The following KCNN2 variants were observed in gnomAD, a reference collection of about 807,000 sequenced individuals.
KCNN2 encodes small conductance calcium-activated potassium channel protein 2.
Under a neutral mutation model 55.5 loss-of-function variants are expected in KCNN2, and 24 were observed. That is an observed-to-expected ratio of 0.43 (90% CI 0.31 to 0.61). KCNN2 has a LOEUF of 0.61. Ranked by LOEUF, KCNN2 falls within the 20% of genes least tolerant of loss-of-function variation. KCNN2 has a pLI of 0.08. For missense variants in KCNN2, 754 were observed against 853.6 expected (o/e 0.88, Z 1.45); for synonymous variants, 431 against 336.1 (o/e 1.28, Z -3.09).
chr5:114,451,049 A>G lies in KCNN2; in HGVS notation c.1638-12000A>G, dbSNP rs559462060. ...GTCTGTGTTCTTATAGGTTTTTAAC[A>G]TAGTAGTGAAAGTTATATAGGTGTA... On this transcript the variant is annotated intron_variant, in intron 3 of 7. Coordinates refer to ENST00000673685, the MANE Select transcript of KCNN2 (RefSeq NM_021614.4). Among the ~76,000 whole-genome samples the G allele has an allele frequency of 2.4e-3, 359 of 152,354 alleles. 1 individual carries two copies. The highest frequency in any genetic ancestry group is 7.6e-3 in the African/African-American group (315 of 41,590).
At chr5:114,324,095 C>T (rs1035361695) in intron 2 of KCNN2, among the ~76,000 whole-genome samples, 1 of 152,150 alleles carries the variant, frequency 6.6e-6, no homozygotes, top group Non-Finnish European at 1.5e-5. Context: ...AAAAGCAATA[C>T]ATCAAAATAA....
At chr5:114,479,559 G>A (rs1762130811) in intron 5 of KCNN2, among the ~76,000 whole-genome samples, 1 of 151,308 alleles carries the variant, frequency 6.6e-6, no homozygotes. Flanking sequence ...GAGTGGACCT[G>A]ATAGCAACAG....
At chr5:114,397,759 C>T (rs1017856813) in intron 2 of KCNN2, among the ~76,000 whole-genome samples, 6 of 152,006 alleles carry the variant, frequency 3.9e-5, no homozygotes, top group Admixed American at 2.0e-4. Flanking sequence ...ATTGTGGTTT[C>T]GATTTGCCTT....
At chr5:114,231,950 G>C (rs1754370820) in intron 2 of KCNN2, among the ~76,000 whole-genome samples, 2 of 150,164 alleles carry the variant, frequency 1.3e-5, no homozygotes. Flanking sequence ...CATCTGACTT[G>C]GCAAAAATCA....
At chr5:114,056,117 T>C (rs543457521) in exon 1 of KCNN2, 21 of 371,176 alleles carry the variant, frequency 5.7e-5, no homozygotes, top group African/African-American at 3.7e-4. Context: ...GCACAGTCAG[T>C]ACCGAAGCAG....
intron 1 of KCNN2, among the ~76,000 whole-genome samples, chr5:114,112,225 A>G (rs1751613994): frequency 6.6e-6 from 1 of 152,082 alleles, no homozygotes; most frequent in African/African-American, 2.4e-5. Context: ...AACTATCACA[A>G]CGGCAGAAAA....
chr5:114,177,903 A>G (rs1753167893), intron 1 of KCNN2, among the ~76,000 whole-genome samples: 1 of 152,204 alleles, frequency 6.6e-6, no homozygotes, highest in South Asian at 2.1e-4. Flanking sequence ...AAATAAAAAT[A>G]GATTTGAGGT....
At chr5:114,384,714 C>T (rs1758224356) in intron 2 of KCNN2, among the ~76,000 whole-genome samples, 1 of 152,040 alleles carries the variant, frequency 6.6e-6, no homozygotes, top group African/African-American at 2.4e-5. Context: ...AGATGCCAGC[C>T]CCTATTAATT....
chr5:114,207,012 G>T (rs760076385), intron 1 of KCNN2, among the ~76,000 whole-genome samples: 3 of 152,058 alleles, frequency 2.0e-5, no homozygotes, highest in African/African-American at 2.4e-5. Flanking sequence ...AGGACTTAGT[G>T]TATATTTAGA....
rs568141729 is a variant in KCNN2, at chr5:114,058,699, T to G, written c.-271+2199T>G. ...AGAGTGACGCAGTGGGTCAGCAGATTAGAGAGGTGGACTGGGACCAGATCC... is the reference window on the plus strand; with the variant it reads ...AGAGTGACGCAGTGGGTCAGCAGATGAGAGAGGTGGACTGGGACCAGATCC... On this transcript the variant is annotated intron_variant, in intron 1 of 10. Transcript: ENST00000512097. Among the ~76,000 whole-genome samples the G allele has an allele frequency of 3.3e-5, 5 of 152,152 alleles. No homozygotes were observed. In the East Asian group the frequency reaches 9.7e-4, roughly 29 times the overall value.
At chr5:114,093,845 T>G (rs1751199629) in intron 1 of KCNN2, among the ~76,000 whole-genome samples, 1 of 152,178 alleles carries the variant, frequency 6.6e-6, no homozygotes, top group Non-Finnish European at 1.5e-5. Context: ...GGGATTGTAA[T>G]TCAAGATGAG....
chr5:114,157,103 C>T (rs1298263071), intron 1 of KCNN2, among the ~76,000 whole-genome samples: 2 of 151,742 alleles, frequency 1.3e-5, no homozygotes, highest in African/African-American at 2.4e-5. Flanking sequence ...GTGCTGCACC[C>T]ATTGACTTGT....
At chr5:114,220,303 A>G (rs1453316180) in intron 1 of KCNN2, among the ~76,000 whole-genome samples, 10 of 152,128 alleles carry the variant, frequency 6.6e-5, no homozygotes, top group African/African-American at 4.8e-5. Flanking sequence ...CAAGATAGCA[A>G]TGCTGGAAAA....
intron 1 of KCNN2, among the ~76,000 whole-genome samples, chr5:114,168,172 TATACACACAC>T (rs1561507050): frequency 7.9e-6 from 1 of 127,152 alleles, no homozygotes; most frequent in African/African-American, 2.8e-5. Context: ...TGTGGATATA[TATACACACAC>T]ACACACACAC....
At chr5:114,159,934 T>C (rs1013785614) in intron 1 of KCNN2, among the ~76,000 whole-genome samples, 1 of 152,208 alleles carries the variant, frequency 6.6e-6, no homozygotes, top group African/African-American at 2.4e-5. Context: ...ATCAATTTTG[T>C]TGATCGTTTC....
intron 2 of KCNN2, among the ~76,000 whole-genome samples, chr5:114,256,660 T>C (rs1352096151): frequency 6.6e-6 from 1 of 152,126 alleles, no homozygotes; most frequent in African/African-American, 2.4e-5. Flanking sequence ...TTTTTTACCA[T>C]TTGTATGTCT....
chr5:114,157,639 CT>C (rs1263393820), intron 1 of KCNN2, among the ~76,000 whole-genome samples: 4 of 152,162 alleles, frequency 2.6e-5, no homozygotes, highest in Non-Finnish European at 5.9e-5. Flanking sequence ...AAAAGCGTTC[CT>C]GTTTCTCCAC....
At chr5:114,465,544 G>A (rs186420259) in intron 4 of KCNN2, among the ~76,000 whole-genome samples, 423 of 151,970 alleles carry the variant, frequency 2.8e-3, no homozygotes, top group Admixed American at 5.4e-3. Flanking sequence ...CGTGGGAGGC[G>A]GAGGTTGCAG....
intron 1 of KCNN2, among the ~76,000 whole-genome samples, chr5:114,141,021 T>G (rs1353396798): frequency 2.6e-5 from 4 of 151,898 alleles, no homozygotes; most frequent in Non-Finnish European, 4.4e-5. Flanking sequence ...ACTCTTGACC[T>G]AGTGATCCAC....
Sources: gnomAD v4.1 joint callset for allele counts (sites outside exome capture counted in the v4.1 genomes callset) on GRCh38, gnomAD v4.1.1 for gene constraint, MANE v1.5 for transcripts, NCBI Gene and HGNC (gene_info 2026-07-23, HGNC 2026-07-21) for gene names.